ERN1: variants seen among roughly 807,000 people sequenced by gnomAD.
ERN1 encodes serine/threonine-protein kinase/endoribonuclease IRE1.
A neutral mutation model predicts 113.1 loss-of-function variants in ERN1; 39 were observed. The ratio of observed to expected loss-of-function variants is 0.34; its 90% confidence interval spans 0.27 to 0.45. ERN1 has a LOEUF of 0.45. Among genes scored for constraint, ERN1 ranks in the 20% least tolerant of loss-of-function variants. The pLI, the probability that ERN1 is intolerant of heterozygous loss-of-function variation, is 1.00. For missense variants in ERN1, 976 were observed against 1,274.8 expected, an observed-to-expected ratio of 0.77 and a Z score of 3.57; for synonymous variants, 507 against 515.9, an observed-to-expected ratio of 0.98 and a Z score of 0.23.
Position 64,066,728 on chromosome 17 carries a change from C to A in ERN1, c.785G>T (p.Arg262Leu). 6.2e-7 allele frequency: 1 copy of A among 1,613,912 alleles called. No homozygotes were observed. Among genetic ancestry groups the A allele is most frequent in the Non-Finnish European group, 8.5e-7 (1 of 1,179,870 alleles). Residue 262 changes from arginine (R) to leucine (L), a missense_variant, in exon 8 of 22, where the codon CGC (arginine) becomes CTC (leucine). Arg to Leu is a moderately radical substitution (Grantham distance 102). Transcript: ENST00000433197. ...YLTFMSGEVG[R>L]ITKWKYPFPK... ...GAACGGGTACTTCCACTTTGTGATG[C>A]GCCCCACCTCCCCAGACATGAAGGT...
In ERN1 at chr17:64,055,639, A is replaced by C. The variant is rs112469993; in HGVS notation, c.1672+36T>G. ...GACTTCTCAGGAGGTGCTCGAATAA[A>C]ACATAAAATAGCACCAAGATGGCAA... On this transcript the variant is annotated intron_variant, in intron 13 of 21. Coordinates refer to ENST00000433197, the MANE Select transcript of ERN1 (RefSeq NM_001433.5). 229 of 1,527,388 alleles carry C rather than the reference A, an allele frequency of 1.5e-4. No individual in the cohort carries two copies. The African/African-American group carries it at 2.7e-3, about 18-fold the overall frequency. The allele number at this position is 1,527,388 out of a possible 1,614,324, so 94.6% of individuals were successfully genotyped here. A position where few individuals can be genotyped will look rare whatever the true frequency, so the allele number is the denominator to read the frequency against.
chr17:64,072,043 A>G lies in ERN1; in HGVS notation c.416T>C (p.Leu139Ser). 6.2e-7 allele frequency: 1 copy of G among 1,608,872 alleles called. No individual in the cohort carries two copies. The highest frequency in any genetic ancestry group is 8.5e-7 in the Non-Finnish European group (1 of 1,177,476). The change falls in exon 6 of 22, where the codon TTG becomes TCG. Residue 139 changes from leucine (L) to serine (S), a missense_variant. By Grantham distance (145) the Leu-to-Ser change is moderately radical (BLOSUM62 -2). Coordinates refer to ENST00000433197, the MANE Select transcript of ERN1 (RefSeq NM_001433.5). ...GAGACTATCTGCAAAGGCCGATGACAAAGTCTGCTGCTTCTCTCCGGTCAG... is the reference window on the plus strand; with the variant it reads ...GAGACTATCTGCAAAGGCCGATGACGAAGTCTGCTGCTTCTCTCCGGTCAG... ...DLLTGEKQQT[L>S]SSAFADSLCP...
chr17:64,085,427 G>C (rs1366562349), intron 2 of ERN1, among the ~76,000 whole-genome samples: 2 of 152,098 alleles, frequency 1.3e-5, no homozygotes, highest in Non-Finnish European at 2.9e-5. Flanking sequence ...ATCTCTCACA[G>C]GAATTAATAG....
chr17:64,129,695 G>T, intron 1 of ERN1: 1 of 375,834 alleles, frequency 2.7e-6, no homozygotes, highest in Non-Finnish European at 4.7e-6. Flanking sequence ...GCCCGAGCCC[G>T]CGGGGTCCGG....
rs1034101491 is a variant in ERN1, at chr17:64,039,822, G to T, written c.*4166C>A. The stretch of plus-strand genomic sequence containing the variant: ...CACACACACAGTACACAGGGGAGGT[G>T]GGGGGGCTTTGGCCAAAGTGTTGGT... On this transcript the variant is annotated 3_prime_UTR_variant, in exon 22 of 22. Coordinates refer to ENST00000433197, the MANE Select transcript of ERN1 (RefSeq NM_001433.5). The T allele has an allele frequency of 6.6e-6, 1 of 152,176 alleles. No homozygotes were observed. The highest frequency in any genetic ancestry group is 1.5e-5 in the Non-Finnish European group (1 of 68,062). 9.4% of individuals were successfully genotyped at this position (152,176 alleles called of 1,614,324 possible).
At chr17:64,070,922 C>G (rs1234121346) in intron 6 of ERN1, among the ~76,000 whole-genome samples, 1 of 152,150 alleles carries the variant, frequency 6.6e-6, no homozygotes, top group African/African-American at 2.4e-5. Flanking sequence ...AACATTGAGC[C>G]CCTGCTACAC....
In ERN1 at chr17:64,105,927, T is replaced by TCCAGC. The variant is rs1914514643; in HGVS notation, c.55-7691_55-7687dup. Among the ~76,000 whole-genome samples, 5 of 139,518 alleles carry TCCAGC rather than the reference T, an allele frequency of 3.6e-5. No homozygotes were observed. The South Asian group carries it at 1.1e-3, about 32-fold the overall frequency. The allele number at this position is 139,518 out of a possible 152,430, so 91.5% of individuals were successfully genotyped here. On this transcript the variant is annotated intron_variant, in intron 1 of 21. Coordinates refer to ENST00000433197, the MANE Select transcript of ERN1 (RefSeq NM_001433.5). ...CCGAGATGGTGCCGTTGCACTCCAG[T>TCCAGC]CCAGCCTAGGCGACAAGAGCAAAAC... is the stretch of plus-strand genomic sequence containing the variant.
intron 4 of ERN1, 41 bp from the exon 5 acceptor site, chr17:64,075,288 T>G (rs1397592229): frequency 6.9e-7 from 1 of 1,442,636 alleles, no homozygotes; most frequent in Non-Finnish European, 9.2e-7. Context: ...GTTAACCAAG[T>G]CTTGTGCAAT....
intron 1 of ERN1, among the ~76,000 whole-genome samples, chr17:64,117,075 G>A (rs1435491149): frequency 1.3e-5 from 2 of 151,558 alleles, no homozygotes; most frequent in Non-Finnish European, 2.9e-5. Context: ...TCATGCCACT[G>A]CCCTCACTCC....
chr17:64,091,355 G>T (rs1263875118), intron 2 of ERN1, among the ~76,000 whole-genome samples: 1 of 152,192 alleles, frequency 6.6e-6, no homozygotes, highest in South Asian at 2.1e-4. Context: ...AGTCCCATTT[G>T]TTTCTCAGGA....
At chr17:64,101,438 TG>T (rs1055728815) in intron 1 of ERN1, among the ~76,000 whole-genome samples, 4 of 152,078 alleles carry the variant, frequency 2.6e-5, no homozygotes, top group Admixed American at 2.6e-4. Flanking sequence ...AAAACAATAC[TG>T]CAAAATTATA....
In ERN1 at chr17:64,071,978, T is replaced by C; in HGVS notation, c.478+3A>G. 2 of 1,558,980 alleles carry C rather than the reference T, an allele frequency of 1.3e-6. No individual in the cohort carries two copies. Among genetic ancestry groups the C allele is most frequent in the South Asian group, 1.2e-5 (1 of 84,586 alleles). On this transcript the variant is annotated splice_donor_region_variant and intron_variant, in intron 6 of 21. Transcript: ENST00000433197. ...TTGTAGAAGACAAAGGTTCATTTCTTACCTGTTCGCCCAAGATACAGAAGA... is the reference window on the plus strand; with the variant it reads ...TTGTAGAAGACAAAGGTTCATTTCTCACCTGTTCGCCCAAGATACAGAAGA...
intron 1 of ERN1, among the ~76,000 whole-genome samples, chr17:64,109,524 C>T (rs1200680254): frequency 2.0e-5 from 3 of 152,206 alleles, no homozygotes; most frequent in East Asian, 1.9e-4. Flanking sequence ...ACTTCTCTAC[C>T]GGCCCAGGCC....
intron 18 of ERN1, among the ~76,000 whole-genome samples, chr17:64,048,276 T>C (rs573384469): frequency 1.3e-5 from 2 of 152,242 alleles, no homozygotes; most frequent in East Asian, 1.9e-4. Context: ...TGACTAAATA[T>C]GGATTGACGT....
chr17:64,072,855 C>T (rs991132575), intron 5 of ERN1, among the ~76,000 whole-genome samples: 1 of 152,226 alleles, frequency 6.6e-6, no homozygotes, highest in African/African-American at 2.4e-5. Context: ...AAGGTCAACA[C>T]AGTCACTGTG....
intron 1 of ERN1, among the ~76,000 whole-genome samples, chr17:64,113,937 C>A (rs1914739101): frequency 6.6e-6 from 1 of 152,084 alleles, no homozygotes; most frequent in Non-Finnish European, 1.5e-5. Context: ...CCACCTCGGC[C>A]TCCCAAAGTG....
In ERN1 at chr17:64,041,121, C is replaced by G. The variant is rs1008930963; in HGVS notation, c.*2867G>C. ...TGAGGTCGTGCCACTGCACTCCAGC[C>G]TGGGTGACAGAGCGAGACTCTGTCT... On this transcript the variant is annotated 3_prime_UTR_variant, in exon 22 of 22. Coordinates refer to ENST00000433197, the MANE Select transcript of ERN1 (RefSeq NM_001433.5). 3.3e-5 allele frequency: 5 copies of G among 152,200 alleles called. No individual in the cohort carries two copies. Among genetic ancestry groups the G allele is most frequent in the African/African-American group, 9.7e-5 (4 of 41,426 alleles). 9.4% of individuals were successfully genotyped at this position (152,200 alleles called of 1,614,324 possible). A position where few individuals can be genotyped will look rare whatever the true frequency, so the allele number is the denominator to read the frequency against.
At chr17:64,122,935 A>AT (rs770599439) in intron 1 of ERN1, among the ~76,000 whole-genome samples, 2 of 152,006 alleles carry the variant, frequency 1.3e-5, no homozygotes, top group Admixed American at 1.3e-4. Context: ...TGAAAGGGAC[A>AT]TTTTTTTTGG....
At chr17:64,087,702 TA>T (rs1028773184) in intron 2 of ERN1, among the ~76,000 whole-genome samples, 1 of 150,930 alleles carries the variant, frequency 6.6e-6, no homozygotes, top group Non-Finnish European at 1.5e-5. Flanking sequence ...AATGAAAAGT[TA>T]AAAAAAAAGC....
Sources: gnomAD v4.1 joint callset for allele counts (sites outside exome capture counted in the v4.1 genomes callset) on GRCh38, gnomAD v4.1.1 for gene constraint, MANE v1.5 for transcripts, NCBI Gene and HGNC (gene_info 2026-07-23, HGNC 2026-07-21) for gene names.